The following ADGRB1 variants were observed in gnomAD, a reference collection of about 807,000 sequenced individuals.
ADGRB1 encodes adhesion G protein-coupled receptor B1, also known as brain-specific angiogenesis inhibitor 1.
A neutral mutation model predicts 175.7 loss-of-function variants in ADGRB1; 36 were observed. The observed-to-expected ratio is 0.20, with a 90% CI of 0.16 to 0.27. The LOEUF (loss-of-function observed/expected upper bound fraction) is 0.27, where lower values mean the gene tolerates loss of function less well. Among genes scored for constraint, ADGRB1 ranks in the 10% least tolerant of loss-of-function variants. ADGRB1 has a pLI of 1.00. For missense variants in ADGRB1, 1,731 were observed against 2,255.3 expected (o/e 0.77, Z 4.71); for synonymous variants, 1,054 against 979.4 (o/e 1.08, Z -1.42).
At position 142,543,383 on chromosome 8, in the gene ADGRB1, C is replaced by CA; in HGVS notation, c.4414-17dup. ...GTCAGGGACCCTTGGCGAATGTTCG[C>CA]AAACCCCTTCTCCCTGCAGCGGCGG... On this transcript the variant is annotated intron_variant, in intron 28 of 30. Coordinates refer to ENST00000517894, the MANE Select transcript of ADGRB1 (RefSeq NM_001702.3). The surrounding 1 kb of genome is among the most constrained non-coding windows in gnomAD (Gnocchi z 4.4). The CA allele has an allele frequency of 6.2e-7, 1 of 1,613,628 alleles. No individual in the cohort carries two copies. The highest frequency in any genetic ancestry group is 2.2e-5 in the East Asian group (1 of 44,874).
Position 142,490,863 on chromosome 8 carries a change from G to A in ADGRB1, c.2675+48G>A, listed in dbSNP as rs147848916. ...GCCGTGGGGGTCTGGGGTGGGGTTC[G>A]TGGGAGGCTGGCCCAGTAGGGGAGG... On this transcript the variant is annotated intron_variant, in intron 17 of 30. Transcript: ENST00000517894. 8,284 of 1,550,148 alleles carry A rather than the reference G, an allele frequency of 5.3e-3. 34 individuals are homozygous for A. Among genetic ancestry groups the A allele is most frequent in the African/African-American group, 0.02 (1,467 of 73,378 alleles).
At chr8:142,502,201 A>AGGT (rs1563718627) in intron 17 of ADGRB1, among the ~76,000 whole-genome samples, 2 of 19,330 alleles carry the variant, frequency 1.0e-4, no homozygotes. Flanking sequence ...ATGACAGTGG[A>AGGT]GGTGGTGGTG....
At chr8:142,529,476 C>T (rs1169389397) in intron 24 of ADGRB1, among the ~76,000 whole-genome samples, 1 of 152,180 alleles carries the variant, frequency 6.6e-6, no homozygotes, top group East Asian at 1.9e-4. Flanking sequence ...GCCGCCAGTG[C>T]CACCTCTGAT....
intron 5 of ADGRB1, 32 bp downstream of exon 5, chr8:142,477,310 A>G (rs796121745): frequency 4.7e-6 from 7 of 1,505,170 alleles, no homozygotes; most frequent in South Asian, 2.4e-5. Context: ...GGCAGCGGAC[A>G]GCCAGGGCAG....
At position 142,524,272 on chromosome 8, in the gene ADGRB1, G is replaced by A. The variant is rs1411088276; in HGVS notation, c.3280G>A (p.Ala1094Thr). Residue 1094 changes from alanine (A) to threonine (T), a missense_variant, in exon 23 of 31, where the codon GCC (alanine) becomes ACC (threonine). This residue lies in a region of ADGRB1 where 301 missense variants were observed against 488.4 expected (regional missense o/e 0.62). Coordinates refer to ENST00000517894, the MANE Select transcript of ADGRB1 (RefSeq NM_001702.3). Reference sequence around the variant, plus strand: ...CTCCCTGGAGGGGGGACTGCTCTATGCCTTCGTGGGACCTGCCGCTGCCGT... The same window carrying A: ...CTCCCTGGAGGGGGGACTGCTCTATACCTTCGTGGGACCTGCCGCTGCCGT... ...WLSLEGGLLY[A>T]FVGPAAAVVL... 6.2e-7 allele frequency: 1 copy of A among 1,600,054 alleles called. No homozygotes were observed. Among genetic ancestry groups the A allele is most frequent in the East Asian group, 2.2e-5 (1 of 44,776 alleles).
intron 17 of ADGRB1, among the ~76,000 whole-genome samples, chr8:142,498,566 C>A (rs1043786878): frequency 1.3e-5 from 2 of 151,870 alleles, no homozygotes; most frequent in African/African-American, 4.9e-5. Flanking sequence ...TGGCTGTGCG[C>A]GCCCAGGCCT....
At chr8:142,502,580 C>CTGATGGTTGTGTGGTGTTGAGGATGG (rs1563719536) in intron 17 of ADGRB1, among the ~76,000 whole-genome samples, 1 of 10,104 alleles carries the variant, frequency 9.9e-5, no homozygotes, top group African/African-American at 1.1e-4. Context: ...GATGGTGGTT[C>CTGATGGTTGTGTGGTGTTGAGGATGG]AGTCATCACT....
intron 22 of ADGRB1, among the ~76,000 whole-genome samples, chr8:142,523,538 A>G (rs1843991423): frequency 6.6e-6 from 1 of 151,840 alleles, no homozygotes; most frequent in Non-Finnish European, 1.5e-5. Context: ...TGAGAGGGAA[A>G]TCCAAACACT....
chr8:142,473,216 C>T (rs1011585082), intron 2 of ADGRB1, among the ~76,000 whole-genome samples: 1 of 152,210 alleles, frequency 6.6e-6, no homozygotes, highest in Non-Finnish European at 1.5e-5. Context: ...CCAGTTTCCA[C>T]GTCACTCAGG....
rs1398891115 is a variant in ADGRB1, at chr8:142,544,327, G to A, written c.4665G>A (p.Pro1555=). ...KKELEPLQPS[P]LELRSVEWER... is the part of the protein sequence containing the mutation. The stretch of plus-strand genomic sequence containing the variant: ...AGCTGGAGCCGCTGCAGCCGTCGCC[G>A]CTGGAGCTTCGCAGCGTGGAGTGGG... Residue 1555 remains proline, a synonymous_variant, in exon 31 of 31, where the codon CCG becomes CCA. Transcript: ENST00000517894. The A allele has an allele frequency of 9.7e-6, 15 of 1,548,418 alleles. No homozygotes were observed. The highest frequency in any genetic ancestry group is 6.9e-5 in the African/African-American group (5 of 72,948).
rs1285897150 is a variant in ADGRB1 at position 142,504,907 on chromosome 8, G to A, written c.2676-6025G>A. On this transcript the variant is annotated intron_variant, in intron 17 of 30. Transcript: ENST00000517894. The surrounding 1 kb of genome is among the most constrained non-coding windows in gnomAD (Gnocchi z 5.6). ...CTGTGCCCACTCCTGGCTTCTTTCT[G>A]TTATGTGGGAGGACACCCTGTGAGT... 1.3e-5 allele frequency among the ~76,000 whole-genome samples: 2 copies of A among 152,156 alleles called. No homozygotes were observed. Among genetic ancestry groups the A allele is most frequent in the African/African-American group, 4.8e-5 (2 of 41,420 alleles).
In ADGRB1 at chr8:142,518,163, C is replaced by T. The variant is rs747412344; in HGVS notation, c.2843C>T (p.Ser948Leu). 4.3e-6 allele frequency: 7 copies of T among 1,613,750 alleles called. No individual in the cohort carries two copies. Among genetic ancestry groups the T allele is most frequent in the African/African-American group, 1.3e-5 (1 of 75,038 alleles). ...AACATGGAGAAGGCGACTCTGCCGT[C>T]GGTGACGCTCATCGTGGGCTGTGGC... Reference protein sequence around the residue: ...DANMEKATLPSVTLIVGCGVS... With the variant: ...DANMEKATLPLVTLIVGCGVS... Residue 948 changes from serine to leucine, a missense_variant, in exon 19 of 31, where the codon TCG becomes TTG. Ser to Leu is a moderately radical substitution (Grantham distance 145, BLOSUM62 -2). Transcript: ENST00000517894.
chr8:142,518,263 G>C (rs1356457571), intron 19 of ADGRB1, 22 bp downstream of exon 19: 1 of 1,611,452 alleles, frequency 6.2e-7, no homozygotes, highest in African/African-American at 1.3e-5. Context: ...CCAGGTGCTG[G>C]GCATGCATGT....
At position 142,481,640 on chromosome 8, in the gene ADGRB1, A is replaced by G. The variant is rs571589349; in HGVS notation, c.2059A>G (p.Ile687Val). 6.2e-7 allele frequency: 1 copy of G among 1,607,864 alleles called. No individual in the cohort carries two copies. The highest frequency in any genetic ancestry group is 1.7e-5 in the Admixed American group (1 of 59,346). The change falls in exon 11 of 31, where the codon ATC becomes GTC. Residue 687 changes from isoleucine (I) to valine (V), a missense_variant. By Grantham distance (29) the Ile-to-Val change is conservative. This residue lies in a region of ADGRB1 where 388 missense variants were observed against 630.9 expected (regional missense o/e 0.61). Coordinates refer to ENST00000517894, the MANE Select transcript of ADGRB1 (RefSeq NM_001702.3). The stretch of plus-strand genomic sequence containing the variant: ...CTACAGTGGGGACCTGCTGTCCACC[A>G]TCGATGTCCTGAGGAACATGACAGA... ...TSYSGDLLST[I>V]DVLRNMTEIF...
At chr8:142,459,523 A>T (rs963615591) in intron 1 of ADGRB1, among the ~76,000 whole-genome samples, 2 of 152,028 alleles carry the variant, frequency 1.3e-5, no homozygotes, top group Non-Finnish European at 2.9e-5. Context: ...CCTCTGGGGC[A>T]CACCCTCCTC....
intron 24 of ADGRB1, among the ~76,000 whole-genome samples, chr8:142,529,176 ATG>A (rs983605294): frequency 2.4e-5 from 3 of 126,214 alleles, no homozygotes; most frequent in East Asian, 3.9e-4. Flanking sequence ...ATGAGCACAC[ATG>A]TGAGAGCATG....
chr8:142,467,027 G>A (rs1004681552), intron 2 of ADGRB1, among the ~76,000 whole-genome samples: 14 of 152,224 alleles, frequency 9.2e-5, no homozygotes, highest in African/African-American at 2.9e-4. Context: ...AATAGTGCTC[G>A]GAACAGCGTG....
chr8:142,514,679 T>G (rs1843317220), intron 18 of ADGRB1, among the ~76,000 whole-genome samples: 1 of 152,030 alleles, frequency 6.6e-6, no homozygotes, highest in Non-Finnish European at 1.5e-5. Flanking sequence ...GTGATCATGG[T>G]CAGGGTTCAG....
Position 142,493,746 on chromosome 8 carries a change from G to A in ADGRB1, c.2675+2931G>A, listed in dbSNP as rs1842088122. Reference sequence around the variant, plus strand: ...ATCGAGGCCTTCTGCTCTGGAACTGGGCAGCCTGGAGCCCTAGAGGGCGGG... The same window carrying A: ...ATCGAGGCCTTCTGCTCTGGAACTGAGCAGCCTGGAGCCCTAGAGGGCGGG... On this transcript the variant is annotated intron_variant, in intron 17 of 30. Coordinates refer to ENST00000517894, the MANE Select transcript of ADGRB1 (RefSeq NM_001702.3). The surrounding 1 kb of genome is among the most constrained non-coding windows in gnomAD (Gnocchi z 5.0). Among the ~76,000 whole-genome samples, 1 of 152,246 alleles carries A rather than the reference G, an allele frequency of 6.6e-6. No homozygotes were observed. Among genetic ancestry groups the A allele is most frequent in the South Asian group, 2.1e-4 (1 of 4,832 alleles).
Sources: allele counts gnomAD v4.1 joint callset (sites outside exome capture counted in the v4.1 genomes callset), GRCh38; gene constraint gnomAD v4.1.1; regional missense constraint gnomAD v4.1.1; non-coding constraint Gnocchi (gnomAD v3.1); transcripts MANE v1.5; gene names NCBI Gene and HGNC (gene_info 2026-07-23, HGNC 2026-07-21).